PALD1: variants seen among roughly 807,000 people sequenced by gnomAD.
PALD1 encodes phosphatase domain containing paladin 1, also known as paladin.
PALD1 carries 57 observed loss-of-function variants against 96.0 expected under a neutral mutation model. That is an observed-to-expected ratio of 0.59 (90% CI 0.48 to 0.74). The LOEUF (loss-of-function observed/expected upper bound fraction) is 0.74. PALD1 is among the 30% of genes least tolerant of loss of function. The pLI, the probability that PALD1 is intolerant of heterozygous loss-of-function variation, is 0.00. For missense variants in PALD1, 1,063 were observed against 1,143.7 expected, an observed-to-expected ratio of 0.93 and a Z score of 1.02; for synonymous variants, 464 against 473.6, an observed-to-expected ratio of 0.98 and a Z score of 0.26.
In PALD1 at chr10:70,539,699, G is replaced by T. The variant is rs200983244; in HGVS notation, c.1845G>T (p.Arg615Ser). The T allele has an allele frequency of 3.1e-6, 5 of 1,613,442 alleles. No homozygotes were observed. Among genetic ancestry groups the T allele is most frequent in the Non-Finnish European group, 4.2e-6 (5 of 1,179,742 alleles). ...TMQEVFSQHR[R>S]ACPGLTYHRI... The stretch of plus-strand genomic sequence containing the variant: ...AGGAGGTCTTCAGCCAGCACCGCAG[G>T]GCCTGTCCTGGCCTCACCTACCACC... The change falls in exon 15 of 20, where the codon AGG becomes AGT. Residue 615 changes from arginine (R) to serine (S), a missense_variant. By Grantham distance (110) the Arg-to-Ser change is moderately radical. Coordinates refer to ENST00000263563, the MANE Select transcript of PALD1 (RefSeq NM_014431.3). The surrounding 1 kb of genome is among the most constrained non-coding windows in gnomAD (Gnocchi z 4.5).
At chr10:70,487,294 C>T (rs111330778) in intron 1 of PALD1, among the ~76,000 whole-genome samples, 2,862 of 85,236 alleles carry the variant, frequency 0.034, 92 homozygotes, top group African/African-American at 0.086. Flanking sequence ...CCACCATGCC[C>T]GGCTAATTTT....
chr10:70,524,140 G>A (rs1368364171), intron 1 of PALD1, among the ~76,000 whole-genome samples: 3 of 152,222 alleles, frequency 2.0e-5, no homozygotes, highest in Non-Finnish European at 2.9e-5. Context: ...GTGCCTGGTT[G>A]AGGGCAGCTG....
chr10:70,468,761 G>A, the PALD1 span, among the ~76,000 whole-genome samples: 1 of 144,352 alleles, frequency 6.9e-6, no homozygotes, highest in South Asian at 2.2e-4. Context: ...TTTTGAGATG[G>A]AGTCTCGCTC....
the PALD1 span, among the ~76,000 whole-genome samples, chr10:70,464,504 G>A: frequency 2.6e-5 from 4 of 151,578 alleles, no homozygotes; most frequent in Non-Finnish European, 5.9e-5. Context: ...ATGAGCCACC[G>A]CACCCGGCCT....
At chr10:70,483,571 G>C (rs1589167365) in intron 1 of PALD1, among the ~76,000 whole-genome samples, 1 of 152,276 alleles carries the variant, frequency 6.6e-6, no homozygotes, top group Middle Eastern at 3.4e-3. Context: ...CCATGGGAGG[G>C]GAGAGGGGTG....
chr10:70,498,297 A>T (rs919223629), intron 1 of PALD1, among the ~76,000 whole-genome samples: 1 of 152,054 alleles, frequency 6.6e-6, no homozygotes, highest in Non-Finnish European at 1.5e-5. Flanking sequence ...TTCTTTAGAG[A>T]TGGGGTCTTG....
At chr10:70,530,337 A>AG (rs1332625124) in intron 4 of PALD1, among the ~76,000 whole-genome samples, 1 of 152,188 alleles carries the variant, frequency 6.6e-6, no homozygotes, top group Non-Finnish European at 1.5e-5. Context: ...CAGAGGAAGC[A>AG]GGGGGCGTGA....
chr10:70,494,868 G>A (rs1042361951), intron 1 of PALD1, among the ~76,000 whole-genome samples: 2 of 152,228 alleles, frequency 1.3e-5, no homozygotes, highest in Non-Finnish European at 2.9e-5. Flanking sequence ...GGCAGGATGT[G>A]GGAAAACTGG....
At position 70,529,240 on chromosome 10, in the gene PALD1, A is replaced by G; in HGVS notation, c.197A>G (p.Lys66Arg). ...VAPVVITYNC[K>R]EEFQIHDELL... ...CCCCCCCCCCCCAGGTACAACTGCA[A>G]GGAGGAGTTCCAGATCCATGATGAG... Residue 66 changes from lysine to arginine, a missense_variant, in exon 3 of 20, where the codon AAG becomes AGG. Lys to Arg is a conservative substitution (Grantham distance 26). Coordinates refer to ENST00000263563, the MANE Select transcript of PALD1 (RefSeq NM_014431.3). 3.0e-6 allele frequency: 2 copies of G among 669,296 alleles called. No individual in the cohort carries two copies. The highest frequency in any genetic ancestry group is 4.7e-6 in the Non-Finnish European group (2 of 421,350). The allele number at this position is 669,296 out of a possible 1,614,324, so 41.5% of individuals were successfully genotyped here.
At chr10:70,519,522 A>G (rs866317077) in intron 1 of PALD1, among the ~76,000 whole-genome samples, 9 of 151,078 alleles carry the variant, frequency 6.0e-5, no homozygotes, top group African/African-American at 2.2e-4. Context: ...CTCTCCCCCA[A>G]AGCCTCCACC....
chr10:70,528,600 A>G (rs562860797), intron 2 of PALD1, among the ~76,000 whole-genome samples: 2 of 152,236 alleles, frequency 1.3e-5, no homozygotes, highest in South Asian at 2.1e-4. Flanking sequence ...CTGTCCCTCC[A>G]ATACAATCTG....
intron 1 of PALD1, among the ~76,000 whole-genome samples, chr10:70,496,319 T>G (rs1264881412): frequency 6.6e-6 from 1 of 150,486 alleles, no homozygotes; most frequent in Admixed American, 6.6e-5. Flanking sequence ...CATAGCTTGA[T>G]GAATTGCTAC....
chr10:70,497,363 G>A (rs969857344), intron 1 of PALD1, among the ~76,000 whole-genome samples: 8 of 152,330 alleles, frequency 5.3e-5, no homozygotes, highest in Admixed American at 4.6e-4. Flanking sequence ...CCTGTCTGGG[G>A]CCGGCGCATG....
At chr10:70,507,750 C>CGTGCGTGTGTGTGT (rs1554855495) in intron 1 of PALD1, among the ~76,000 whole-genome samples, 1 of 148,644 alleles carries the variant, frequency 6.7e-6, no homozygotes, top group African/African-American at 2.5e-5. Context: ...TTTGTGTGTG[C>CGTGCGTGTGTGTGT]GTGTGTGTGT....
rs200836517 is a variant in PALD1, at chr10:70,539,021, C to T, written c.1569+13C>T. On this transcript the variant is annotated intron_variant, in intron 13 of 19. Coordinates refer to ENST00000263563, the MANE Select transcript of PALD1 (RefSeq NM_014431.3). The surrounding 1 kb of genome is among the most constrained non-coding windows in gnomAD (Gnocchi z 4.5). ...GCCCAGCGCCAAGGTGACCGGCCCT[C>T]AGGGCCTGGGTCCCCCAGTGGGTTT... is the stretch of plus-strand genomic sequence containing the variant. The T allele has an allele frequency of 1.4e-5, 23 of 1,613,552 alleles. No individual in the cohort carries two copies. In the East Asian group the frequency reaches 3.1e-4, roughly 22 times the overall value.
In PALD1 at chr10:70,520,685, C is replaced by T. The variant is rs796805366; in HGVS notation, c.-29-5238C>T. Among the ~76,000 whole-genome samples the T allele has an allele frequency of 1.4e-4, 12 of 87,682 alleles. 1 individual carries two copies. The highest frequency in any genetic ancestry group is 2.6e-4 in the Non-Finnish European group (12 of 45,994). The allele number at this position is 87,682 out of a possible 152,430, so 57.5% of individuals were successfully genotyped here. A position where few individuals can be genotyped will look rare whatever the true frequency, so the allele number is the denominator to read the frequency against. ...TCAGTTTCTTTTCTTTTCTTTCTTT[C>T]TTTTTTTTTTTTTTTTTTTTTTTGC... On this transcript the variant is annotated intron_variant, in intron 1 of 19. Coordinates refer to ENST00000263563, the MANE Select transcript of PALD1 (RefSeq NM_014431.3).
the PALD1 span, among the ~76,000 whole-genome samples, chr10:70,466,550 C>T: frequency 5.1e-3 from 783 of 152,228 alleles, 10 homozygotes; most frequent in African/African-American, 0.018. Flanking sequence ...GCCATTTTAA[C>T]GATTTTTAAT....
upstream of PALD1, among the ~76,000 whole-genome samples, chr10:70,476,352 C>A (rs756195569): frequency 2.2e-4 from 34 of 152,198 alleles, no homozygotes; most frequent in Non-Finnish European, 3.5e-4. Context: ...GGCCTTCTCT[C>A]CTTCAACATT....
At chr10:70,529,088 A>T (rs1443598239) in intron 2 of PALD1, 141 bp from the exon 3 acceptor site, 1 of 598,966 alleles carries the variant, frequency 1.7e-6, no homozygotes, top group Non-Finnish European at 3.0e-6. Context: ...AAGAGTGGAT[A>T]TTGAGGGACA....
Sources: gnomAD v4.1 joint callset for allele counts (sites outside exome capture counted in the v4.1 genomes callset) on GRCh38, gnomAD v4.1.1 for gene constraint, Gnocchi (gnomAD v3.1) non-coding constraint, MANE v1.5 for transcripts, NCBI Gene and HGNC (gene_info 2026-07-23, HGNC 2026-07-21) for gene names.